The following MLYCD variants were observed in gnomAD, a reference collection of about 807,000 sequenced individuals.
The protein encoded by MLYCD is malonyl-CoA decarboxylase, mitochondrial.
A neutral mutation model predicts 35.8 loss-of-function variants in MLYCD; 27 were observed. That is an observed-to-expected ratio of 0.75 (90% CI 0.56 to 1.04). The LOEUF (loss-of-function observed/expected upper bound fraction) is 1.04, where lower values mean the gene tolerates loss of function less well. MLYCD is among the 50% of genes least tolerant of loss of function. The pLI, the probability that MLYCD is intolerant of heterozygous loss-of-function variation, is 0.00. For missense variants in MLYCD, 917 were observed against 665.1 expected (o/e 1.38, Z -4.17); for synonymous variants, 403 against 302.4 (o/e 1.33, Z -3.45).
In MLYCD at chr16:83,899,130, C is replaced by CTGTTG; in HGVS notation, c.-12_-8dup. 2.7e-6 allele frequency: 3 copies of CTGTTG among 1,115,782 alleles called. No homozygotes were observed. Among genetic ancestry groups the CTGTTG allele is most frequent in the Non-Finnish European group, 3.3e-6 (3 of 915,904 alleles). The allele number at this position is 1,115,782 out of a possible 1,614,324, so 69.1% of individuals were successfully genotyped here. ...CGGCGGCGGCGCTCCCCCTCGGCAG[C>CTGTTG]TGTTGTGGGGCACCATGCGAGGCTT... On this transcript the variant is annotated 5_prime_UTR_variant, in exon 1 of 5. Transcript: ENST00000262430.
chr16:83,907,216 C>A, intron 2 of MLYCD, 117 bp downstream of exon 2: 1 of 919,452 alleles, frequency 1.1e-6, no homozygotes, highest in Non-Finnish European at 1.7e-6. Flanking sequence ...TATTTCAAGT[C>A]TAATAAAATC....
chr16:83,907,429 G>C lies in MLYCD; in HGVS notation c.641+330G>C, dbSNP rs114415095. 0.015 allele frequency among the ~76,000 whole-genome samples: 2,283 copies of C among 152,246 alleles called. 55 individuals are homozygous for C. The highest frequency in any genetic ancestry group is 0.053 in the African/African-American group (2,211 of 41,524). On this transcript the variant is annotated intron_variant, in intron 2 of 4. Transcript: ENST00000262430. ...TGATCAGAGTTGTAGAAACTCACTG[G>C]ACCAAGCGTTTGCATTCGTAATCAA...
Position 83,916,468 on chromosome 16 carries a change from G to T in MLYCD, c.*979G>T, listed in dbSNP as rs1907393504. The T allele has an allele frequency of 6.6e-6, 1 of 151,914 alleles. No individual in the cohort carries two copies. The highest frequency in any genetic ancestry group is 1.5e-5 in the Non-Finnish European group (1 of 68,460). 9.4% of individuals were successfully genotyped at this position (151,914 alleles called of 1,614,324 possible). ...CGTCTGTGGATCAGTGCACGTCTGT[G>T]TGCGTGTGCACGAGCGTCTCTGTGT... On this transcript the variant is annotated 3_prime_UTR_variant, in exon 5 of 5. Transcript: ENST00000262430.
rs751532385 is a variant in MLYCD at position 83,899,478 on chromosome 16, C to T, written c.334C>T (p.Leu112=). ...VAEQSAGVLH[L]RQQQREAAVL... The stretch of plus-strand genomic sequence containing the variant: ...GGAGCAGAGCGCCGGCGTGCTCCAT[C>T]TGCGCCAGCAGCAGCGGGAGGCGGC... The change falls in exon 1 of 5, where the codon CTG becomes TTG. Residue 112 remains leucine (L), a synonymous_variant. Transcript: ENST00000262430. The T allele has an allele frequency of 2.6e-6, 4 of 1,557,872 alleles. No individual in the cohort carries two copies. Among genetic ancestry groups the T allele is most frequent in the Middle Eastern group, 1.8e-4 (1 of 5,458 alleles).
rs544923934 is a variant in MLYCD, at chr16:83,906,551, T to C, written c.529-436T>C. ...TTTCTTAGGAAATGTAGGCGTAATG[T>C]TTTGACGTATCAAAGAAGGTTCCCG... On this transcript the variant is annotated intron_variant, in intron 1 of 4. Transcript: ENST00000262430. Among the ~76,000 whole-genome samples, 7 of 152,342 alleles carry C rather than the reference T, an allele frequency of 4.6e-5. No homozygotes were observed. In the East Asian group the frequency reaches 1.4e-3, roughly 29 times the overall value.
chr16:83,904,384 G>A (rs566429319), intron 1 of MLYCD, among the ~76,000 whole-genome samples: 35 of 152,224 alleles, frequency 2.3e-4, no homozygotes, highest in African/African-American at 7.2e-4. Context: ...CAGGGCCTAT[G>A]GTTTTTAGCA....
chr16:83,911,547 G>GCT, intron 3 of MLYCD: 1 of 153,422 alleles, frequency 6.5e-6, no homozygotes, highest in Non-Finnish European at 1.5e-5. Context: ...GCTGCCGTGA[G>GCT]AATGAGAGGC....
rs1403024351 is a variant in MLYCD at position 83,926,331 on chromosome 16, G to A, written c.*10842G>A. 6.6e-6 allele frequency: 1 copy of A among 152,458 alleles called. No homozygotes were observed. Among genetic ancestry groups the A allele is most frequent in the African/African-American group, 2.4e-5 (1 of 41,482 alleles). 9.4% of individuals were successfully genotyped at this position (152,458 alleles called of 1,614,324 possible). A position where few individuals can be genotyped will look rare whatever the true frequency, so the allele number is the denominator to read the frequency against. On this transcript the variant is annotated 3_prime_UTR_variant, in exon 5 of 5. Coordinates refer to ENST00000262430, the MANE Select transcript of MLYCD (RefSeq NM_012213.3). ...CCCTAGCTCACTCGGACCCCACCCT[G>A]CACTGGGAAGGAGGGTCCCTGTCCC...
Position 83,915,422 on chromosome 16 carries a change from A to C in MLYCD, c.1415A>C (p.Lys472Thr), listed in dbSNP as rs780137841. 6.2e-7 allele frequency: 1 copy of C among 1,613,776 alleles called. No individual in the cohort carries two copies. Among genetic ancestry groups the C allele is most frequent in the East Asian group, 2.2e-5 (1 of 44,888 alleles). The change falls in exon 5 of 5, where the codon AAG (lysine) becomes ACG (threonine). Residue 472 changes from lysine to threonine, a missense_variant. Transcript: ENST00000262430. Reference protein sequence around the residue: ...GPNSTSYLGSKIIKASEQVLS... With the variant: ...GPNSTSYLGSTIIKASEQVLS... Reference sequence around the variant, plus strand: ...AACAGCACCTCCTACCTCGGCTCCAAGATCATCAAAGCCTCTGAGCAGGTC... The same window carrying C: ...AACAGCACCTCCTACCTCGGCTCCACGATCATCAAAGCCTCTGAGCAGGTC...
At chr16:83,909,747 G>A (rs868767225) in intron 3 of MLYCD, among the ~76,000 whole-genome samples, 9 of 150,936 alleles carry the variant, frequency 6.0e-5, no homozygotes, top group South Asian at 4.2e-4. Flanking sequence ...TCAGCCTCCC[G>A]AGTAGCTGGG....
In MLYCD at chr16:83,915,526, G is replaced by C. The variant is rs1354711186; in HGVS notation, c.*37G>C. On this transcript the variant is annotated 3_prime_UTR_variant, in exon 5 of 5. Transcript: ENST00000262430. ...TCCTAAAGCACAGGGCCCCGGCTAA[G>C]AAAACGATCATTTTCAGGAGGGGCC... The C allele has an allele frequency of 6.2e-7, 1 of 1,601,908 alleles. No individual in the cohort carries two copies. Among genetic ancestry groups the C allele is most frequent in the East Asian group, 2.2e-5 (1 of 44,872 alleles).
chr16:83,907,085 T>G lies in MLYCD; in HGVS notation c.627T>G (p.Leu209=). The G allele has an allele frequency of 7.4e-6, 12 of 1,613,176 alleles. No homozygotes were observed. ...CCTGGCATTCACCGTGTGAAGTGCT[T>G]CAGAAAATCAGTGAGTAAGTATTAC... ...RVTWHSPCEV[L]QKISEAEAVH... is the part of the protein sequence containing the mutation. Residue 209 remains leucine (L), a synonymous_variant, in exon 2 of 5, where the codon CTT becomes CTG. Coordinates refer to ENST00000262430, the MANE Select transcript of MLYCD (RefSeq NM_012213.3).
chr16:83,911,328 C>T (rs1425896784), intron 3 of MLYCD, among the ~76,000 whole-genome samples: 2 of 152,214 alleles, frequency 1.3e-5, no homozygotes, highest in African/African-American at 4.8e-5. Flanking sequence ...GACTACGAGA[C>T]CTCATCTATG....
intron 3 of MLYCD, among the ~76,000 whole-genome samples, chr16:83,909,388 G>A (rs1403877444): frequency 6.6e-6 from 1 of 152,156 alleles, no homozygotes; most frequent in Non-Finnish European, 1.5e-5. Context: ...GCGGCCTCGT[G>A]TACATCAGAT....
At chr16:83,912,036 C>A (rs1238242779) in intron 3 of MLYCD, 182 bp from the exon 4 acceptor site, 2 of 827,264 alleles carry the variant, frequency 2.4e-6, no homozygotes, top group East Asian at 2.5e-5. Context: ...GTCGCCTCCT[C>A]CAGAGAGTTT....
Position 83,916,158 on chromosome 16 carries a change from C to G in MLYCD, c.*669C>G. On this transcript the variant is annotated 3_prime_UTR_variant, in exon 5 of 5. Transcript: ENST00000262430. Reference sequence around the variant, plus strand: ...TCATAATGAACTTCACAGTAAAGAACACGTTTGTTCTGTAAAGCATTGAAC... The same window carrying G: ...TCATAATGAACTTCACAGTAAAGAAGACGTTTGTTCTGTAAAGCATTGAAC... The G allele has an allele frequency of 1.0e-6, 1 of 991,706 alleles. No individual in the cohort carries two copies. The highest frequency in any genetic ancestry group is 4.6e-5 in the South Asian group (1 of 21,718). 61.4% of individuals were successfully genotyped at this position (991,706 alleles called of 1,614,324 possible). A position where few individuals can be genotyped will look rare whatever the true frequency, so the allele number is the denominator to read the frequency against.
At position 83,916,065 on chromosome 16, in the gene MLYCD, G is replaced by A; in HGVS notation, c.*576G>A. The A allele has an allele frequency of 2.0e-6, 2 of 997,296 alleles. No homozygotes were observed. The highest frequency in any genetic ancestry group is 2.4e-6 in the Non-Finnish European group (2 of 835,684). 61.8% of individuals were successfully genotyped at this position (997,296 alleles called of 1,614,324 possible). On this transcript the variant is annotated 3_prime_UTR_variant, in exon 5 of 5. Coordinates refer to ENST00000262430, the MANE Select transcript of MLYCD (RefSeq NM_012213.3). ...GGTGTGTGTAGTAAGTTAAATTGTT[G>A]AACACAAAAATGTTGCTGCTTGAGG...
chr16:83,902,167 A>G (rs1258792782), intron 1 of MLYCD, among the ~76,000 whole-genome samples: 32 of 122,592 alleles, frequency 2.6e-4, no homozygotes, highest in South Asian at 1.9e-3. Flanking sequence ...ATATATATAT[A>G]TATATATATA....
At chr16:83,905,840 C>G (rs1019684776) in intron 1 of MLYCD, among the ~76,000 whole-genome samples, 1 of 152,152 alleles carries the variant, frequency 6.6e-6, no homozygotes, top group African/African-American at 2.4e-5. Flanking sequence ...GTACAGCCAT[C>G]GGGGAACAAC....
Sources: allele counts gnomAD v4.1 joint callset (sites outside exome capture counted in the v4.1 genomes callset), GRCh38; gene constraint gnomAD v4.1.1; transcripts MANE v1.5; gene names NCBI Gene and HGNC (gene_info 2026-07-23, HGNC 2026-07-21).